PSME2: variants seen among roughly 807,000 people sequenced by gnomAD.
PSME2 encodes the protein proteasome activator complex subunit 2.
In PSME2, 20 loss-of-function variants were observed where a neutral mutation model predicts 38.8. That is an observed-to-expected ratio of 0.52 (90% CI 0.36 to 0.75). PSME2 has a LOEUF of 0.75. Ranked by LOEUF, PSME2 falls within the 30% of genes least tolerant of loss-of-function variation. The pLI, the probability that PSME2 is intolerant of heterozygous loss-of-function variation, is 0.00. For synonymous variants in PSME2, 82 were observed against 102.5 expected, an observed-to-expected ratio of 0.80 and a Z score of 1.21; for missense variants, 227 against 287.6, an observed-to-expected ratio of 0.79 and a Z score of 1.52.
At position 24,145,054 on chromosome 14, in the gene PSME2, T is replaced by C; in HGVS notation, c.360+4A>G. 1 of 1,610,138 alleles carries C rather than the reference T, an allele frequency of 6.2e-7. No individual in the cohort carries two copies. Among genetic ancestry groups the C allele is most frequent in the Non-Finnish European group, 8.5e-7 (1 of 1,176,356 alleles). ...TTTCTGCTTCCCCCATTTCCCAGGC[T>C]TACCAGAATGCATTTCTCTTTGAGA... is the stretch of plus-strand genomic sequence containing the variant. On this transcript the variant is annotated splice_donor_region_variant and intron_variant, in intron 6 of 10. Coordinates refer to ENST00000216802, the MANE Select transcript of PSME2 (RefSeq NM_002818.3).
chr14:24,146,561 C>T lies in PSME2; in HGVS notation c.21G>A (p.Val7=). ...GTTTGCGGGCTTCCCCGCTCAGGCGCACCCCACACGGCTTGGCCATGCTGC... is the reference window on the plus strand; with the variant it reads ...GTTTGCGGGCTTCCCCGCTCAGGCGTACCCCACACGGCTTGGCCATGCTGC... MAKPCG[V]RLSGEARKQV... The change falls in exon 1 of 11, where the codon GTG becomes GTA. Residue 7 remains valine, a synonymous_variant. Transcript: ENST00000216802. The T allele has an allele frequency of 6.2e-7, 1 of 1,613,908 alleles. No homozygotes were observed. Among genetic ancestry groups the T allele is most frequent in the South Asian group, 1.1e-5 (1 of 91,090 alleles).
At position 24,146,211 on chromosome 14, in the gene PSME2, C is replaced by T. The variant is rs2139070515; in HGVS notation, c.78G>A (p.Gln26=). The part of the protein sequence containing the change: ...QVEVFRQNLF[Q]EAEEFLYRFL... ...TCGCTCAAATCCAGAGACTTACCTC[C>T]TGGAAAAGATTCTGTCTGAAGACCT... The change falls in exon 2 of 11, where the codon CAG becomes CAA. Residue 26 remains glutamine, a synonymous_variant. Transcript: ENST00000216802. 1 of 1,613,598 alleles carries T rather than the reference C, an allele frequency of 6.2e-7. No homozygotes were observed.
rs772632140 is a variant in PSME2, at chr14:24,144,047, A to G, written c.498-18T>C. 6.8e-6 allele frequency: 11 copies of G among 1,613,252 alleles called. No homozygotes were observed. In the East Asian group the frequency reaches 2.0e-4, roughly 29 times the overall value. ...AGAAGTACCTGCCAGAAGCAAGGGA[A>G]TACCACAGGAATGAGTGTTCAGGGA... On this transcript the variant is annotated intron_variant, in intron 8 of 10. Coordinates refer to ENST00000216802, the MANE Select transcript of PSME2 (RefSeq NM_002818.3).
At chr14:24,144,631 T>C (rs2038123513) in intron 6 of PSME2, 163 bp from the exon 7 acceptor site, 1 of 710,828 alleles carries the variant, frequency 1.4e-6, no homozygotes, top group Non-Finnish European at 2.4e-6. Flanking sequence ...CCTTCAGAGA[T>C]ATGTATTTAT....
Position 24,146,468 on chromosome 14 carries a change from C to G in PSME2, c.48+66G>C. On this transcript the variant is annotated intron_variant, in intron 1 of 10. Coordinates refer to ENST00000216802, the MANE Select transcript of PSME2 (RefSeq NM_002818.3). ...CTCTGGCACTGCTTGGTCCCCTGAA[C>G]CACCCAGCTTGGCCTCCACCCAAGA... is the stretch of plus-strand genomic sequence containing the variant. 2.5e-6 allele frequency: 4 copies of G among 1,605,512 alleles called. No homozygotes were observed. The South Asian group carries it at 4.4e-5, about 18-fold the overall frequency.
At chr14:24,146,089 G>C in intron 2 of PSME2, 119 bp downstream of exon 2, 2 of 1,284,734 alleles carry the variant, frequency 1.6e-6, no homozygotes, top group Non-Finnish European at 2.2e-6. Flanking sequence ...TTGGGTGAAG[G>C]CTTGGTAAGG....
intron 8 of PSME2, 66 bp downstream of exon 8, chr14:24,144,126 C>T (rs1400113275): frequency 5.0e-6 from 8 of 1,611,404 alleles, no homozygotes; most frequent in South Asian, 3.3e-5. Flanking sequence ...ATAGGGCTGC[C>T]CAGCTCTGGG....
chr14:24,146,549 C>G lies in PSME2; in HGVS notation c.33G>C (p.Gly11=). The G allele has an allele frequency of 6.2e-7, 1 of 1,613,940 alleles. No individual in the cohort carries two copies. Among genetic ancestry groups the G allele is most frequent in the Non-Finnish European group, 8.5e-7 (1 of 1,180,024 alleles). The change falls in exon 1 of 11, where the codon GGG becomes GGC. Residue 11 remains glycine, a synonymous_variant. Coordinates refer to ENST00000216802, the MANE Select transcript of PSME2 (RefSeq NM_002818.3). MAKPCGVRLS[G]EARKQVEVFR... ...TCCCCATTACCTGTTTGCGGGCTTC[C>G]CCGCTCAGGCGCACCCCACACGGCT...
rs1176230863 is a variant in PSME2, at chr14:24,143,462, T to G, written c.667A>C (p.Asn223His). The change falls in exon 11 of 11, where the codon AAC becomes CAC. Residue 223 changes from asparagine (N) to histidine (H), a missense_variant. Around this residue, in one of 3 missense-constraint regions of PSME2, gnomAD observed 99 missense variants for 113.9 expected, o/e 0.87. Transcript: ENST00000216802. This position sits in a 1 kb window ranked among gnomAD's most constrained non-coding sequence, Gnocchi z 4.4. ...TTTGGGTTGACAATTTTCTCCAGGT[T>G]GCTGCTGATGATATGATAAAGCTCA... is the stretch of plus-strand genomic sequence containing the variant. ...YAELYHIISS[N>H]LEKIVNPKGE... The G allele has an allele frequency of 6.2e-7, 1 of 1,614,192 alleles. No homozygotes were observed. The highest frequency in any genetic ancestry group is 8.5e-7 in the Non-Finnish European group (1 of 1,180,034).
intron 2 of PSME2, 56 bp downstream of exon 2, chr14:24,146,152 A>G: frequency 6.3e-7 from 1 of 1,587,938 alleles, no homozygotes; most frequent in South Asian, 1.1e-5. Context: ...AGAGGCTGTT[A>G]TCCTCAAGTA....
intron 2 of PSME2, 104 bp from the exon 3 acceptor site, chr14:24,145,876 G>C: frequency 8.0e-7 from 1 of 1,255,508 alleles, no homozygotes. Context: ...TCCAAGACTT[G>C]CAAATGAGGA....
At chr14:24,144,992 A>G (rs2038128278) in intron 6 of PSME2, 66 bp downstream of exon 6, 3 of 1,472,756 alleles carry the variant, frequency 2.0e-6, no homozygotes, top group South Asian at 2.3e-5. Flanking sequence ...ACTTGTATCT[A>G]CGGAGGAGTC....
Position 24,144,056 on chromosome 14 carries a change from G to A in PSME2, c.498-27C>T, listed in dbSNP as rs749786476. 20 of 1,612,764 alleles carry A rather than the reference G, an allele frequency of 1.2e-5. No individual in the cohort carries two copies. In the East Asian group the frequency reaches 2.9e-4, roughly 23 times the overall value. On this transcript the variant is annotated intron_variant, in intron 8 of 10. Transcript: ENST00000216802. ...TGCCAGAAGCAAGGGAATACCACAG[G>A]AATGAGTGTTCAGGGAGATGTACTC...
In PSME2 at chr14:24,145,365, C is replaced by A. The variant is rs755450781; in HGVS notation, c.231+14G>T. The A allele has an allele frequency of 6.2e-7, 1 of 1,605,222 alleles. No individual in the cohort carries two copies. The highest frequency in any genetic ancestry group is 1.3e-5 in the African/African-American group (1 of 74,866). The stretch of plus-strand genomic sequence containing the variant: ...TGGGTTTATAGTCCAAGTCCTGCAC[C>A]CTGAGTGCCTCACCTCATCATCCTT... On this transcript the variant is annotated intron_variant, in intron 4 of 10. Transcript: ENST00000216802.
intron 2 of PSME2, 153 bp from the exon 3 acceptor site, chr14:24,145,925 G>T (rs144451618): frequency 1.1e-6 from 1 of 898,852 alleles, no homozygotes; most frequent in African/African-American, 1.6e-5. Context: ...GCCCAAGCTG[G>T]TAAATGGCAG....
Position 24,143,665 on chromosome 14 carries a change from A to T in PSME2, c.559T>A (p.Tyr187Asn). 6.2e-7 allele frequency: 1 copy of T among 1,614,114 alleles called. No homozygotes were observed. Among genetic ancestry groups the T allele is most frequent in the Non-Finnish European group, 8.5e-7 (1 of 1,180,026 alleles). Reference protein sequence around the residue: ...KASKETHVMDYRALVHERDEA... With the variant: ...KASKETHVMDNRALVHERDEA... Reference sequence around the variant, plus strand: ...TCTCGCTCATGCACCAAGGCCCGGTAATCCATCTGCAATGTGGGAGGCAAA... The same window carrying T: ...TCTCGCTCATGCACCAAGGCCCGGTTATCCATCTGCAATGTGGGAGGCAAA... The change falls in exon 10 of 11, where the codon TAC (tyrosine) becomes AAC (asparagine). Residue 187 changes from tyrosine to asparagine, a missense_variant. Physicochemically the swap from Tyr to Asn is moderately radical, Grantham distance 143. Coordinates refer to ENST00000216802, the MANE Select transcript of PSME2 (RefSeq NM_002818.3). The surrounding 1 kb of genome is among the most constrained non-coding windows in gnomAD (Gnocchi z 4.4).
At chr14:24,145,532 C>T (rs2038138630) in intron 3 of PSME2, 67 bp from the exon 4 acceptor site, 1 of 1,493,360 alleles carries the variant, frequency 6.7e-7, no homozygotes, top group South Asian at 1.3e-5. Flanking sequence ...AGCCTTCCCT[C>T]CATACATCCC....
chr14:24,144,505 A>G, intron 6 of PSME2, 37 bp from the exon 7 acceptor site: 2 of 1,569,300 alleles, frequency 1.3e-6, no homozygotes, highest in Non-Finnish European at 8.8e-7. Flanking sequence ...TCATTCAACA[A>G]ACATACTGAG....
At chr14:24,146,407 C>T (rs1207529078) in intron 1 of PSME2, 127 bp downstream of exon 1, 1 of 1,452,332 alleles carries the variant, frequency 6.9e-7, no homozygotes. Flanking sequence ...CTGGGAATCC[C>T]CGAGAAGTGA....
Sources: gnomAD v4.1 joint callset for allele counts on GRCh38, gnomAD v4.1.1 for gene constraint, gnomAD v4.1.1 regional missense constraint, Gnocchi (gnomAD v3.1) non-coding constraint, MANE v1.5 for transcripts, NCBI Gene and HGNC (gene_info 2026-07-23, HGNC 2026-07-21) for gene names.